The following INTS14 variants were observed in gnomAD, a reference collection of about 807,000 sequenced individuals.
INTS14 encodes the protein integrator complex subunit 14.
INTS14 carries 27 observed loss-of-function variants against 56.9 expected under a neutral mutation model. The ratio of observed to expected loss-of-function variants is 0.47; its 90% CI spans 0.35 to 0.65. The LOEUF is 0.65. Ranked by LOEUF, INTS14 falls within the 30% of genes least tolerant of loss-of-function variation. INTS14 has a pLI of 0.00. For synonymous variants in INTS14, 207 were observed against 236.2 expected (o/e 0.88, Z 1.13); for missense variants, 517 against 632.2 (o/e 0.82, Z 1.95).
intron 3 of INTS14, among the ~76,000 whole-genome samples, chr15:65,604,867 CT>C (rs1452903114): frequency 6.6e-6 from 1 of 152,100 alleles, no homozygotes; most frequent in Non-Finnish European, 1.5e-5. Flanking sequence ...AAAAATTCCA[CT>C]GTGAGCCCTT....
chr15:65,581,927 G>T, intron 11 of INTS14, 27 bp downstream of exon 11: 2 of 1,607,246 alleles, frequency 1.2e-6, no homozygotes, highest in Non-Finnish European at 8.5e-7. Context: ...CATATATTTT[G>T]GGCACATCCT....
At position 65,605,088 on chromosome 15, in the gene INTS14, ATGT is replaced by A. The variant is rs745488274; in HGVS notation, c.330+38_330+40del. The A allele has an allele frequency of 8.2e-6, 12 of 1,469,806 alleles. No homozygotes were observed. In the South Asian group the frequency reaches 9.1e-5, roughly 11 times the overall value. 91.0% of individuals were successfully genotyped at this position (1,469,806 alleles called of 1,614,324 possible). A position where few individuals can be genotyped will look rare whatever the true frequency, so the allele number is the denominator to read the frequency against. ...GAAAATCGAAGCACCTCAGTGGTTA[ATGT>A]TGTTAACTTAGGGCAATGAAAAAGA... is the stretch of plus-strand genomic sequence containing the variant. On this transcript the variant is annotated intron_variant, in intron 3 of 11. Coordinates refer to ENST00000313182, the MANE Select transcript of INTS14 (RefSeq NM_001394796.1).
At chr15:65,586,065 T>A (rs1487010946) in intron 9 of INTS14, among the ~76,000 whole-genome samples, 1 of 146,932 alleles carries the variant, frequency 6.8e-6, no homozygotes, top group East Asian at 2.8e-4. Flanking sequence ...ATGCTCTCCC[T>A]TCTTATTCAC....
intron 3 of INTS14, among the ~76,000 whole-genome samples, chr15:65,601,562 C>T (rs183360081): frequency 7.9e-5 from 12 of 152,256 alleles, no homozygotes; most frequent in African/African-American, 2.6e-4. Context: ...AGGATGGTCT[C>T]GAACTCCTGA....
At chr15:65,584,620 G>T (rs2072749362) in intron 10 of INTS14, 150 bp downstream of exon 10, 6 of 613,862 alleles carry the variant, frequency 9.8e-6, no homozygotes, top group Admixed American at 7.1e-5. Context: ...TTACTGTAGG[G>T]CATCTCAAAT....
chr15:65,594,079 C>T (rs1030592711), intron 7 of INTS14, among the ~76,000 whole-genome samples: 1 of 152,204 alleles, frequency 6.6e-6, no homozygotes, highest in Non-Finnish European at 1.5e-5. Context: ...CTGGAAGCTT[C>T]AGGCACCCAT....
chr15:65,610,757 G>C (rs936227370), intron 1 of INTS14: 40 of 1,535,552 alleles, frequency 2.6e-5, no homozygotes, highest in Non-Finnish European at 3.4e-5. Flanking sequence ...ATCTCTAAAA[G>C]TCCAGACTGA....
intron 11 of INTS14, among the ~76,000 whole-genome samples, chr15:65,580,618 G>GT (rs1339751010): frequency 1.3e-5 from 2 of 152,188 alleles, no homozygotes; most frequent in Non-Finnish European, 2.9e-5. Flanking sequence ...TGACATAAAG[G>GT]TAATGAGATA....
At position 65,598,410 on chromosome 15, in the gene INTS14, T is replaced by TGGC; in HGVS notation, c.656_658dup (p.Gly219_His220insArg). The TGGC allele has an allele frequency of 6.2e-7, 1 of 1,614,096 alleles. No homozygotes were observed. Among genetic ancestry groups the TGGC allele is most frequent in the Non-Finnish European group, 8.5e-7 (1 of 1,179,958 alleles). On this transcript the variant is annotated inframe_insertion, in exon 6 of 12. Transcript: ENST00000313182. Reference sequence around the variant, plus strand: ...GAAGACTTGTACATCAGCAGTTAGGTGGCCACACTTGAGAACAGCATGGAA... The same window carrying TGGC: ...GAAGACTTGTACATCAGCAGTTAGGTGGCGGCCACACTTGAGAACAGCATGGAA...
chr15:65,581,918 A>G (rs758008085), intron 11 of INTS14, 36 bp downstream of exon 11: 1 of 1,603,048 alleles, frequency 6.2e-7, no homozygotes, highest in Non-Finnish European at 8.5e-7. Context: ...GTCGTGAACC[A>G]TATATTTTGG....
At chr15:65,586,127 G>A (rs2072813198) in intron 9 of INTS14, among the ~76,000 whole-genome samples, 1 of 152,060 alleles carries the variant, frequency 6.6e-6, no homozygotes, top group African/African-American at 2.4e-5. Flanking sequence ...ACCCCACTAC[G>A]TAGCAAGCAC....
At chr15:65,585,679 TTTA>T (rs1014694047) in intron 9 of INTS14, among the ~76,000 whole-genome samples, 9 of 152,184 alleles carry the variant, frequency 5.9e-5, no homozygotes, top group Admixed American at 2.0e-4. Context: ...GTATTTGATC[TTTA>T]TTATTATTAC....
intron 8 of INTS14, among the ~76,000 whole-genome samples, chr15:65,593,143 G>T (rs1283193311): frequency 6.6e-6 from 1 of 151,636 alleles, no homozygotes; most frequent in Admixed American, 6.6e-5. Context: ...GCACACCTGG[G>T]TCATGGCTAC....
In INTS14 at chr15:65,598,439, C is replaced by G; in HGVS notation, c.630G>C (p.Thr210=). The G allele has an allele frequency of 1.2e-6, 2 of 1,613,716 alleles. No individual in the cohort carries two copies. The highest frequency in any genetic ancestry group is 1.7e-6 in the Non-Finnish European group (2 of 1,179,796). Residue 210 remains threonine (T), a synonymous_variant, in exon 6 of 12, where the codon ACG becomes ACC. Coordinates refer to ENST00000313182, the MANE Select transcript of INTS14 (RefSeq NM_001394796.1). ...CACACTTGAGAACAGCATGGAAAGG[C>G]GTATATGCCAAATCTATCAGTTTTC... ...MFGKLIDLAY[T]PFHAVLKCGH...
At chr15:65,605,796 T>A (rs16948871) in intron 2 of INTS14, among the ~76,000 whole-genome samples, 30,566 of 152,106 alleles carry the variant, frequency 0.2, 4,119 homozygotes, top group East Asian at 0.73. Flanking sequence ...ATATAGCAAT[T>A]CTCTAAATTT....
At chr15:65,609,491 AC>A (rs1196851842) in intron 1 of INTS14, among the ~76,000 whole-genome samples, 16 of 152,290 alleles carry the variant, frequency 1.1e-4, no homozygotes, top group South Asian at 6.2e-4. Flanking sequence ...GGACCATGCC[AC>A]ATTTTGCCCA....
chr15:65,607,304 T>A lies in INTS14; in HGVS notation c.77A>T (p.Gln26Leu). 1 of 1,614,164 alleles carries A rather than the reference T, an allele frequency of 6.2e-7. No individual in the cohort carries two copies. Among genetic ancestry groups the A allele is most frequent in the Non-Finnish European group, 8.5e-7 (1 of 1,180,034 alleles). ...ACCATGGGCTGCTAGGTGCTTACGC[T>A]GGTATTCCTCGGACCCCTCAATAGA... The part of the protein sequence containing the change: ...PVSIEGSEEY[Q>L]RKHLAAHGLT... The change falls in exon 2 of 12, where the codon CAG becomes CTG. Residue 26 changes from glutamine (Q) to leucine (L), a missense_variant. By Grantham distance (113) the Gln-to-Leu change is moderately radical. Transcript: ENST00000313182.
chr15:65,597,499 A>T (rs1415025531), intron 6 of INTS14, among the ~76,000 whole-genome samples: 1 of 152,226 alleles, frequency 6.6e-6, no homozygotes, highest in East Asian at 1.9e-4. Flanking sequence ...TTGACTCTTC[A>T]CTTTGCCAGT....
At chr15:65,608,968 G>A (rs1405702985) in intron 1 of INTS14, among the ~76,000 whole-genome samples, 3 of 152,180 alleles carry the variant, frequency 2.0e-5, no homozygotes, top group Admixed American at 1.3e-4. Context: ...CGCGATCTCC[G>A]CTCACTGCAA....
Sources: allele counts gnomAD v4.1 joint callset (sites outside exome capture counted in the v4.1 genomes callset), GRCh38; gene constraint gnomAD v4.1.1; transcripts MANE v1.5; gene names NCBI Gene and HGNC (gene_info 2026-07-23, HGNC 2026-07-21).